Variants in TEX14 observed in about 807,000 individuals in gnomAD.
TEX14 encodes the protein inactive serine/threonine-protein kinase TEX14.
In TEX14, 168 loss-of-function variants were observed where a neutral mutation model predicts 178.6. The ratio of observed to expected loss-of-function variants is 0.94; its 90% CI spans 0.83 to 1.07. The LOEUF is 1.07. TEX14 is among the 50% of genes least tolerant of loss of function. The pLI, the probability that TEX14 is intolerant of heterozygous loss-of-function variation, is 0.00. For missense variants in TEX14, 1,730 were observed against 1,753.6 expected (o/e 0.99, Z 0.24); for synonymous variants, 626 against 634.1 (o/e 0.99, Z 0.19).
chr17:58,651,911 C>T lies in TEX14; in HGVS notation c.91G>A (p.Val31Ile). Residue 31 changes from valine (V) to isoleucine (I), a missense_variant, in exon 2 of 32, where the codon GTC becomes ATC. By Grantham distance (29) the Val-to-Ile change is conservative. Around this residue, in one of 2 missense-constraint regions of TEX14, gnomAD observed 789 missense variants for 681.2 expected, o/e 1.16. Transcript: ENST00000349033. The stretch of plus-strand genomic sequence containing the variant: ...ACTTTCACATAGTTCCCTTGTTTGA[C>T]ATACTCATGAAGCTGAGCTTCCAGG... ...DSLEAQLHEY[V>I]KQGNYVKVKK... 6.2e-7 allele frequency: 1 copy of T among 1,613,284 alleles called. No individual in the cohort carries two copies.
intron 10 of TEX14, among the ~76,000 whole-genome samples, chr17:58,606,623 G>A (rs2045613029): frequency 6.6e-6 from 1 of 152,020 alleles, no homozygotes; most frequent in Non-Finnish European, 1.5e-5. Flanking sequence ...GTGTGGATAT[G>A]CATACAAATT....
Position 58,621,687 on chromosome 17 carries a change from C to T in TEX14, c.517G>A (p.Val173Ile). The T allele has an allele frequency of 1.2e-6, 2 of 1,614,032 alleles. No homozygotes were observed. Among genetic ancestry groups the T allele is most frequent in the African/African-American group, 1.3e-5 (1 of 75,068 alleles). Reference sequence around the variant, plus strand: ...CCCCCACACCAGGACGGGCTGTAGACAAGCCGCTGCGGGGAGTCTATCTTC... The same window carrying T: ...CCCCCACACCAGGACGGGCTGTAGATAAGCCGCTGCGGGGAGTCTATCTTC... Reference protein sequence around the residue: ...LKKIDSPQRLVYSPSWCGGLV... With the variant: ...LKKIDSPQRLIYSPSWCGGLV... The change falls in exon 5 of 32, where the codon GTC becomes ATC. Residue 173 changes from valine to isoleucine, a missense_variant. By Grantham distance (29) the Val-to-Ile change is conservative (BLOSUM62 3). This residue lies in a region of TEX14 where 789 missense variants were observed against 681.2 expected (regional missense o/e 1.16). Transcript: ENST00000349033.
chr17:58,574,676 A>C (rs984299473), intron 21 of TEX14, among the ~76,000 whole-genome samples: 1 of 21,234 alleles, frequency 4.7e-5, no homozygotes, highest in Non-Finnish European at 7.9e-5. Context: ...CTCCATCTCC[A>C]AAAAAAAAAA....
chr17:58,654,707 A>G (rs1598421967), intron 1 of TEX14, among the ~76,000 whole-genome samples: 1 of 152,080 alleles, frequency 6.6e-6, no homozygotes, highest in East Asian at 1.9e-4. Context: ...GAGTTTCACC[A>G]TGTTGGCCAG....
chr17:58,659,520 C>T (rs77026967), intron 1 of TEX14, among the ~76,000 whole-genome samples: 1 of 152,152 alleles, frequency 6.6e-6, no homozygotes, highest in Non-Finnish European at 1.5e-5. Context: ...TCTACATATG[C>T]CCGCCTCTTA....
rs1389256960 is a variant in TEX14 at position 58,599,598 on chromosome 17, C to G, written c.1747G>C (p.Asp583His). The G allele has an allele frequency of 1.2e-6, 2 of 1,613,808 alleles. No homozygotes were observed. The highest frequency in any genetic ancestry group is 1.7e-4 in the Middle Eastern group (1 of 6,060). The change falls in exon 14 of 32, where the codon GAT (aspartate) becomes CAT (histidine). Residue 583 changes from aspartate to histidine, a missense_variant. Transcript: ENST00000349033. ...TEGTLDPQAP[D>H]PCLMARETQN... ...GTCTCCCTGGCCATCAGACATGGAT[C>G]TGGGGCCTGAGGATCTAGTGTCCCC...
At chr17:58,577,318 A>G (rs2044700969) in intron 21 of TEX14, 57 bp downstream of exon 21, 4 of 681,318 alleles carry the variant, frequency 5.9e-6, no homozygotes, top group Admixed American at 6.0e-5. Flanking sequence ...GAGCATTATC[A>G]CCATTTAACA....
At chr17:58,664,710 AAT>A (rs1461559948) in intron 1 of TEX14, among the ~76,000 whole-genome samples, 2 of 152,216 alleles carry the variant, frequency 1.3e-5, no homozygotes, top group Non-Finnish European at 2.9e-5. Flanking sequence ...CCTCTGATAA[AAT>A]ATATACATTT....
In TEX14 at chr17:58,616,468, G is replaced by A. The variant is rs923578084; in HGVS notation, c.637-163C>T. On this transcript the variant is annotated intron_variant, in intron 6 of 31. Coordinates refer to ENST00000349033, the MANE Select transcript of TEX14 (RefSeq NM_031272.5). ...TTTTTTTTTGAGACAGGGTATCACT[G>A]TCACTCAGGCTGGAGCATATGACAT... 10 of 823,948 alleles carry A rather than the reference G, an allele frequency of 1.2e-5. No homozygotes were observed. The African/African-American group carries it at 1.8e-4, about 15-fold the overall frequency. 51.0% of individuals were successfully genotyped at this position (823,948 alleles called of 1,614,324 possible).
At position 58,599,182 on chromosome 17, in the gene TEX14, C is replaced by T. The variant is rs769565715; in HGVS notation, c.2163G>A (p.Thr721=). 2.5e-6 allele frequency: 4 copies of T among 1,614,130 alleles called. No homozygotes were observed. The highest frequency in any genetic ancestry group is 1.3e-5 in the African/African-American group (1 of 75,036). The change falls in exon 14 of 32, where the codon ACG becomes ACA. Residue 721 remains threonine (T), a synonymous_variant. Coordinates refer to ENST00000349033, the MANE Select transcript of TEX14 (RefSeq NM_031272.5). ...EAKSNLNNMS[T]TEEYLISKCV... ...ACTTACTGATGAGATACTCCTCAGT[C>T]GTGGACATGTTGTTCAAATTGCTCT...
At chr17:58,677,793 A>C (rs2143525811) in intron 1 of TEX14, 1 of 152,356 alleles carries the variant, frequency 6.6e-6, no homozygotes, top group East Asian at 1.9e-4. Flanking sequence ...CTCTTCACAT[A>C]GGGTCACTCT....
At chr17:58,683,840 G>A (rs2047544086) in intron 1 of TEX14, among the ~76,000 whole-genome samples, 1 of 151,640 alleles carries the variant, frequency 6.6e-6, no homozygotes, top group South Asian at 2.1e-4. Flanking sequence ...GCTGAGGCGG[G>A]CGGATCACAA....
chr17:58,607,012 CAAAAAAAAAAAAA>C (rs35155837), intron 10 of TEX14, among the ~76,000 whole-genome samples: 4 of 92,614 alleles, frequency 4.3e-5, no homozygotes, highest in African/African-American at 1.8e-4. Context: ...GCTACTGTCT[CAAAAAAAAAAAAA>C]AAAAAAAAAA....
intron 14 of TEX14, among the ~76,000 whole-genome samples, chr17:58,596,723 A>C (rs2045291770): frequency 7.1e-6 from 1 of 141,052 alleles, no homozygotes; most frequent in Admixed American, 7.0e-5. Flanking sequence ...ATCTCTATGG[A>C]AAAAAAAAAA....
intron 11 of TEX14, among the ~76,000 whole-genome samples, chr17:58,604,479 T>A (rs952926095): frequency 1.3e-5 from 2 of 149,782 alleles, no homozygotes; most frequent in African/African-American, 4.9e-5. Context: ...TCAAAAAAAA[T>A]AAAAAATAAA....
chr17:58,601,256 C>T (rs1268631111), intron 13 of TEX14, among the ~76,000 whole-genome samples: 1 of 151,794 alleles, frequency 6.6e-6, no homozygotes, highest in African/African-American at 2.4e-5. Flanking sequence ...GGCGCAGTGG[C>T]TCACACCTGT....
chr17:58,579,583 C>T (rs930878775), intron 20 of TEX14, 82 bp downstream of exon 20: 48 of 1,211,026 alleles, frequency 4.0e-5, no homozygotes, highest in Non-Finnish European at 5.1e-5. Context: ...CTCAGGATCC[C>T]CCCAGCTCTA....
chr17:58,586,884 A>C (rs962131686), intron 17 of TEX14, among the ~76,000 whole-genome samples: 1 of 152,066 alleles, frequency 6.6e-6, no homozygotes, highest in Admixed American at 6.6e-5. Flanking sequence ...TAGTGTGTTG[A>C]AGTTGCCCCA....
chr17:58,599,560 A>C lies in TEX14; in HGVS notation c.1785T>G (p.Asp595Glu). ...CCATAAATGGAGCAGGGCAAGGAGC[A>C]TCTTGATTCTGAGTCTCCCTGGCCA... ...CLMARETQNQDAPCPAPFMAE... is the reference protein window; with the variant it reads ...CLMARETQNQEAPCPAPFMAE... The change falls in exon 14 of 32, where the codon GAT becomes GAG. Residue 595 changes from aspartate (D) to glutamate (E), a missense_variant. Physicochemically the swap from Asp to Glu is conservative, Grantham distance 45. Around this residue, in one of 2 missense-constraint regions of TEX14, gnomAD observed 941 missense variants for 1,072.4 expected, o/e 0.88. Coordinates refer to ENST00000349033, the MANE Select transcript of TEX14 (RefSeq NM_031272.5). The C allele has an allele frequency of 6.2e-7, 1 of 1,614,086 alleles. No homozygotes were observed. The highest frequency in any genetic ancestry group is 2.2e-5 in the East Asian group (1 of 44,880).
Sources: allele counts gnomAD v4.1 joint callset (sites outside exome capture counted in the v4.1 genomes callset), GRCh38; gene constraint gnomAD v4.1.1; regional missense constraint gnomAD v4.1.1; transcripts MANE v1.5; gene names NCBI Gene and HGNC (gene_info 2026-07-23, HGNC 2026-07-21).